The following GEMIN5 variants were observed in gnomAD, a reference collection of about 807,000 sequenced individuals.
GEMIN5 encodes gem nuclear organelle associated protein 5.
Under a neutral mutation model 176.9 loss-of-function variants are expected in GEMIN5, and 124 were observed. That is an observed-to-expected ratio of 0.70 (90% confidence interval 0.61 to 0.81). GEMIN5 has a LOEUF of 0.81. Ranked by LOEUF, GEMIN5 falls within the 40% of genes least tolerant of loss-of-function variation. The probability of loss-of-function intolerance (pLI) is 0.00; values close to 1 mark genes in which losing one functional copy is unlikely to be tolerated. For synonymous variants in GEMIN5, 673 were observed against 665.2 expected, an observed-to-expected ratio of 1.01 and a Z score of -0.18; for missense variants, 1,843 against 1,814.6, an observed-to-expected ratio of 1.02 and a Z score of -0.28.
At chr5:154,924,644 G>A in intron 8 of GEMIN5, 90 bp from the exon 9 acceptor site, 1 of 790,526 alleles carries the variant, frequency 1.3e-6, no homozygotes, top group South Asian at 1.6e-5. Flanking sequence ...CATCCAAAGG[G>A]AAAACTGTCT....
chr5:154,889,872 A>G (rs890251419), intron 26 of GEMIN5, among the ~76,000 whole-genome samples: 1 of 152,240 alleles, frequency 6.6e-6, no homozygotes, highest in Non-Finnish European at 1.5e-5. Flanking sequence ...TTCATCTGTC[A>G]GTGGATACTT....
intron 14 of GEMIN5, among the ~76,000 whole-genome samples, chr5:154,912,188 C>G (rs1763716755): frequency 6.6e-6 from 1 of 152,182 alleles, no homozygotes; most frequent in African/African-American, 2.4e-5. Context: ...TGTATGTTAA[C>G]TTTTGGGCTT....
chr5:154,919,591 ATTG>A (rs1464678902), intron 11 of GEMIN5, among the ~76,000 whole-genome samples: 2 of 152,210 alleles, frequency 1.3e-5, no homozygotes, highest in Non-Finnish European at 1.5e-5. Flanking sequence ...ATACTATATT[ATTG>A]TTATTTTTAC....
chr5:154,932,635 T>G (rs1764192436), intron 3 of GEMIN5, among the ~76,000 whole-genome samples: 1 of 152,194 alleles, frequency 6.6e-6, no homozygotes, highest in African/African-American at 2.4e-5. Context: ...CAATCACCAC[T>G]TACTGCAGCC....
chr5:154,893,836 T>C (rs1270765397), intron 24 of GEMIN5, among the ~76,000 whole-genome samples: 1 of 152,192 alleles, frequency 6.6e-6, no homozygotes, highest in Non-Finnish European at 1.5e-5. Flanking sequence ...CTTGGCCTCC[T>C]GGGTTCACAC....
intron 13 of GEMIN5, among the ~76,000 whole-genome samples, chr5:154,916,561 C>T (rs999281105): frequency 6.6e-6 from 1 of 152,012 alleles, no homozygotes; most frequent in Admixed American, 6.6e-5. Flanking sequence ...AAATATAGCT[C>T]ACTGCAGCCT....
intron 24 of GEMIN5, among the ~76,000 whole-genome samples, chr5:154,893,807 G>A (rs953909296): frequency 6.6e-6 from 1 of 151,952 alleles, no homozygotes; most frequent in African/African-American, 2.4e-5. Context: ...GCAGTGGCAC[G>A]ATCTCGGCTC....
At chr5:154,921,071 G>C (rs146215158) in intron 10 of GEMIN5, among the ~76,000 whole-genome samples, 6 of 152,280 alleles carry the variant, frequency 3.9e-5, no homozygotes, top group African/African-American at 1.4e-4. Flanking sequence ...GACCCAGCAT[G>C]ATAACTATAC....
At chr5:154,900,348 G>A (rs1380517947) in intron 21 of GEMIN5, among the ~76,000 whole-genome samples, 1 of 152,172 alleles carries the variant, frequency 6.6e-6, no homozygotes. Flanking sequence ...TCTAGAGAGA[G>A]CAATATTTTG....
intron 1 of GEMIN5, among the ~76,000 whole-genome samples, chr5:154,937,703 A>T (rs1362999734): frequency 6.6e-6 from 1 of 152,202 alleles, no homozygotes; most frequent in African/African-American, 2.4e-5. Context: ...GGAGCCATAT[A>T]AATGGCCGAG....
intron 24 of GEMIN5, among the ~76,000 whole-genome samples, chr5:154,893,354 C>T (rs1235689829): frequency 2.7e-5 from 4 of 150,746 alleles, no homozygotes; most frequent in South Asian, 2.1e-4. Context: ...TGCTTGAACC[C>T]GAGAGGCGGA....
chr5:154,917,806 A>C, intron 12 of GEMIN5, 125 bp downstream of exon 12: 3 of 690,346 alleles, frequency 4.3e-6, no homozygotes, highest in Non-Finnish European at 7.8e-6. Context: ...GAGGATATCA[A>C]GAATAAATCA....
intron 17 of GEMIN5, among the ~76,000 whole-genome samples, chr5:154,904,931 G>A (rs1763539659): frequency 6.6e-6 from 1 of 152,228 alleles, no homozygotes; most frequent in African/African-American, 2.4e-5. Flanking sequence ...AATGGCTCAC[G>A]CCTGTAATCC....
chr5:154,895,102 A>G (rs1388400744), intron 24 of GEMIN5, among the ~76,000 whole-genome samples: 2 of 152,016 alleles, frequency 1.3e-5, no homozygotes, highest in Admixed American at 6.6e-5. Context: ...AAGAAAAGGA[A>G]AAAAGAAAAG....
At chr5:154,909,734 T>G (rs1763653831) in intron 15 of GEMIN5, among the ~76,000 whole-genome samples, 1 of 152,112 alleles carries the variant, frequency 6.6e-6, no homozygotes, top group South Asian at 2.1e-4. Context: ...ATCCCAGCAC[T>G]TTGGGAGGCT....
At chr5:154,896,613 A>T (rs745350713) in intron 23 of GEMIN5, among the ~76,000 whole-genome samples, 19 of 152,192 alleles carry the variant, frequency 1.2e-4, no homozygotes, top group Non-Finnish European at 2.2e-4. Context: ...AGCACTACCC[A>T]CAATGATTTA....
chr5:154,899,827 T>C (rs1164565419), intron 21 of GEMIN5, among the ~76,000 whole-genome samples: 1 of 152,200 alleles, frequency 6.6e-6, no homozygotes, highest in African/African-American at 2.4e-5. Context: ...GAACATTTTG[T>C]GTTCTCTGCT....
At chr5:154,898,258 T>C (rs1299733682) in intron 23 of GEMIN5, among the ~76,000 whole-genome samples, 182 bp downstream of exon 23, 1 of 152,162 alleles carries the variant, frequency 6.6e-6, no homozygotes, top group African/African-American at 2.4e-5. Flanking sequence ...GACCATATTA[T>C]CTCTTACTCT....
At chr5:154,929,019 C>T (rs1171671161) in intron 5 of GEMIN5, among the ~76,000 whole-genome samples, 4 of 151,378 alleles carry the variant, frequency 2.6e-5, no homozygotes, top group Non-Finnish European at 4.4e-5. Flanking sequence ...GTCAGGAGAT[C>T]GAGACCATCC....
Sources: allele counts gnomAD v4.1 joint callset (sites outside exome capture counted in the v4.1 genomes callset), GRCh38; gene constraint gnomAD v4.1.1; transcripts MANE v1.5; gene names NCBI Gene and HGNC (gene_info 2026-07-23, HGNC 2026-07-21).